The following TNR variants were observed in gnomAD, a reference collection of about 807,000 sequenced individuals.
The protein encoded by TNR is tenascin R.
In TNR, 45 loss-of-function variants were observed where a neutral mutation model predicts 150.4. The ratio of observed to expected loss-of-function variants is 0.30; its 90% confidence interval spans 0.24 to 0.38. TNR has a LOEUF of 0.38. Among genes scored for constraint, TNR ranks in the 10% least tolerant of loss-of-function variants. The pLI is 1.00. For synonymous variants in TNR, 687 were observed against 678.4 expected, an observed-to-expected ratio of 1.01 and a Z score of -0.20; for missense variants, 1,544 against 1,759.1, an observed-to-expected ratio of 0.88 and a Z score of 2.19.
At chr1:175,547,175 C>T (rs1202937711) in intron 1 of TNR, among the ~76,000 whole-genome samples, 2 of 152,240 alleles carry the variant, frequency 1.3e-5, no homozygotes, top group Non-Finnish European at 2.9e-5. Flanking sequence ...GTAGCAGATT[C>T]CTGACCCAGG....
intron 16 of TNR, 89 bp from the exon 17 acceptor site, chr1:175,355,722 C>T: frequency 1.3e-6 from 2 of 1,571,318 alleles, no homozygotes; most frequent in South Asian, 2.3e-5. Flanking sequence ...TTGCCCACCT[C>T]TTTGGTCTCA....
At chr1:175,576,123 G>A (rs1168166717) in intron 1 of TNR, among the ~76,000 whole-genome samples, 1 of 152,204 alleles carries the variant, frequency 6.6e-6, no homozygotes, top group Non-Finnish European at 1.5e-5. Flanking sequence ...TTATTCCCCA[G>A]CACTGCTGTG....
chr1:175,726,346 T>A (rs1237685281), intron 1 of TNR, among the ~76,000 whole-genome samples: 1 of 152,204 alleles, frequency 6.6e-6, no homozygotes, highest in African/African-American at 2.4e-5. Context: ...TTTGGAGATG[T>A]AGGAGGAAGT....
In TNR at chr1:175,403,372, C is replaced by G; in HGVS notation, c.744G>C (p.Gly248=). Residue 248 remains glycine, a synonymous_variant, in exon 4 of 23, where the codon GGG becomes GGC. Coordinates refer to ENST00000367674, the MANE Select transcript of TNR (RefSeq NM_003285.3). ...TGTAGGGCTCTTCACAGACACACTC[C>G]CCGTCCACGCAGAGCCCCCGGGAGC... The part of the protein sequence containing the change: ...DCSSRGLCVD[G]ECVCEEPYTG... 1 of 1,614,098 alleles carries G rather than the reference C, an allele frequency of 6.2e-7. No individual in the cohort carries two copies. Among genetic ancestry groups the G allele is most frequent in the Non-Finnish European group, 8.5e-7 (1 of 1,180,008 alleles).
chr1:175,528,823 T>C (rs1056579199), intron 1 of TNR, among the ~76,000 whole-genome samples: 13 of 152,172 alleles, frequency 8.5e-5, no homozygotes, highest in African/African-American at 3.1e-4. Flanking sequence ...AAAATCTCCA[T>C]GTACTATAAA....
intron 1 of TNR, among the ~76,000 whole-genome samples, chr1:175,549,932 G>C (rs1660870492): frequency 6.6e-6 from 1 of 152,166 alleles, no homozygotes; most frequent in Admixed American, 6.5e-5. Flanking sequence ...TCCTGACCCA[G>C]GAAAACTGTG....
At chr1:175,575,424 C>T (rs1444231521) in intron 1 of TNR, among the ~76,000 whole-genome samples, 2 of 152,210 alleles carry the variant, frequency 1.3e-5, no homozygotes, top group Non-Finnish European at 2.9e-5. Flanking sequence ...TTGTGCTAGG[C>T]ACCGTGGTTG....
At chr1:175,470,936 A>C (rs1657258665) in intron 2 of TNR, among the ~76,000 whole-genome samples, 2 of 152,196 alleles carry the variant, frequency 1.3e-5, no homozygotes, top group Non-Finnish European at 2.9e-5. Context: ...GGTTAATGCC[A>C]CCAAATGTAG....
chr1:175,421,014 A>G (rs2102062041), intron 2 of TNR, among the ~76,000 whole-genome samples: 1 of 152,220 alleles, frequency 6.6e-6, no homozygotes, highest in Non-Finnish European at 1.5e-5. Flanking sequence ...TTAAAGTTTC[A>G]GCCTTCTACT....
At chr1:175,367,450 A>G (rs1651897700) in intron 9 of TNR, among the ~76,000 whole-genome samples, 153 bp from the exon 10 acceptor site, 1 of 152,100 alleles carries the variant, frequency 6.6e-6, no homozygotes, top group South Asian at 2.1e-4. Context: ...AGAAATCCCA[A>G]TTTCACTATT....
At chr1:175,447,981 T>C (rs1656137171) in intron 2 of TNR, among the ~76,000 whole-genome samples, 1 of 152,224 alleles carries the variant, frequency 6.6e-6, no homozygotes, top group Non-Finnish European at 1.5e-5. Flanking sequence ...TTATTATTAT[T>C]ACTATCAGTG....
At chr1:175,577,015 G>A (rs1662143784) in intron 1 of TNR, among the ~76,000 whole-genome samples, 1 of 152,172 alleles carries the variant, frequency 6.6e-6, no homozygotes, top group Non-Finnish European at 1.5e-5. Context: ...TCTTTTTCAA[G>A]CATGCCCCCT....
chr1:175,524,334 T>G (rs1659768143), intron 2 of TNR, among the ~76,000 whole-genome samples: 1 of 151,828 alleles, frequency 6.6e-6, no homozygotes, highest in African/African-American at 2.4e-5. Flanking sequence ...GATAAGTAAA[T>G]GGTGAGAAGT....
chr1:175,696,606 C>A (rs998053196), intron 1 of TNR, among the ~76,000 whole-genome samples: 3 of 152,146 alleles, frequency 2.0e-5, no homozygotes, highest in Non-Finnish European at 4.4e-5. Flanking sequence ...AGGCCCCAAC[C>A]GATTTTAAAA....
chr1:175,435,829 TCTG>T (rs1345307993), intron 2 of TNR, among the ~76,000 whole-genome samples: 1 of 152,338 alleles, frequency 6.6e-6, no homozygotes, highest in East Asian at 1.9e-4. Flanking sequence ...TTAGGGCAGT[TCTG>T]GTGGTGACAA....
intron 1 of TNR, among the ~76,000 whole-genome samples, chr1:175,643,547 G>A (rs1285179801): frequency 2.0e-5 from 3 of 152,124 alleles, no homozygotes; most frequent in South Asian, 2.1e-4. Context: ...AAGACAAGAC[G>A]CTGTTATTAT....
chr1:175,719,269 T>C (rs1272108546), intron 1 of TNR, among the ~76,000 whole-genome samples: 1 of 152,128 alleles, frequency 6.6e-6, no homozygotes, highest in Non-Finnish European at 1.5e-5. Flanking sequence ...TGTCGGGATA[T>C]TGGGGCATGA....
intron 2 of TNR, among the ~76,000 whole-genome samples, chr1:175,480,142 C>T (rs745549270): frequency 1.3e-5 from 2 of 152,088 alleles, no homozygotes; most frequent in African/African-American, 4.8e-5. Flanking sequence ...TGTCTCTGGA[C>T]TGATCCTTGG....
At chr1:175,365,842 T>G in intron 11 of TNR, 33 bp downstream of exon 11, 2 of 1,601,236 alleles carry the variant, frequency 1.2e-6, no homozygotes, top group Non-Finnish European at 1.7e-6. Context: ...CACTGATCCC[T>G]GAACCTGGCT....
Sources: gnomAD v4.1 joint callset for allele counts (sites outside exome capture counted in the v4.1 genomes callset) on GRCh38, gnomAD v4.1.1 for gene constraint, MANE v1.5 for transcripts, NCBI Gene and HGNC (gene_info 2026-07-23, HGNC 2026-07-21) for gene names.